GLRA2: variants seen among roughly 807,000 people sequenced by gnomAD.
The protein encoded by GLRA2 is glycine receptor alpha 2, also known as glycine receptor subunit alpha-2.
In GLRA2, 11 loss-of-function variants were observed where a neutral mutation model predicts 31.6. That is an observed-to-expected ratio of 0.35 (90% CI 0.22 to 0.58). GLRA2 has a LOEUF of 0.58. Among genes scored for constraint, GLRA2 ranks in the 20% least tolerant of loss-of-function variants. The pLI, the probability that GLRA2 is intolerant of heterozygous loss-of-function variation, is 0.84. For synonymous variants in GLRA2, 132 were observed against 134.0 expected, an observed-to-expected ratio of 0.99 and a Z score of 0.10; for missense variants, 212 against 351.8, an observed-to-expected ratio of 0.60 and a Z score of 3.18.
At chrX:14,614,745 T>C (rs1267828799) in intron 7 of GLRA2, among the ~76,000 whole-genome samples, 2 of 111,923 alleles carry the variant, frequency 1.8e-5, no homozygotes, top group Non-Finnish European at 3.8e-5. Context: ...TTAAGAACTC[T>C]GATCCAGGGG....
At chrX:14,623,011 C>G (rs1442906701) in intron 7 of GLRA2, among the ~76,000 whole-genome samples, 1 of 111,458 alleles carries the variant, frequency 9.0e-6, no homozygotes, top group Non-Finnish European at 1.9e-5. Flanking sequence ...TGTTTGTGTC[C>G]TCTTTTATTT....
At chrX:14,588,283 G>A (rs6526752) in intron 4 of GLRA2, among the ~76,000 whole-genome samples, 104 of 110,642 alleles carry the variant, frequency 9.4e-4, no homozygotes, top group Middle Eastern at 4.7e-3. Context: ...TATAGTAAAA[G>A]GTGGTAGTCC....
chrX:14,603,081 ATTT>A (rs58676051), intron 4 of GLRA2, among the ~76,000 whole-genome samples: 1 of 96,281 alleles, frequency 1.0e-5, no homozygotes. Context: ...GCCAACATCT[ATTT>A]TTTTTTTTTT....
chrX:14,665,900 T>C (rs571320567), intron 7 of GLRA2, among the ~76,000 whole-genome samples: 1 of 112,323 alleles, frequency 8.9e-6, no homozygotes, highest in Middle Eastern at 4.6e-3. Flanking sequence ...GGACCAAGAA[T>C]CTAGCTCCAG....
At chrX:14,688,817 C>G (rs1174531170) in intron 7 of GLRA2, among the ~76,000 whole-genome samples, 1 of 111,037 alleles carries the variant, frequency 9.0e-6, no homozygotes, top group Non-Finnish European at 1.9e-5. Context: ...CCTGCCCCCA[C>G]TGTCTGATAA....
At chrX:14,587,572 C>T (rs2090093932) in intron 4 of GLRA2, among the ~76,000 whole-genome samples, 1 of 111,959 alleles carries the variant, frequency 8.9e-6, no homozygotes, top group Non-Finnish European at 1.9e-5. Flanking sequence ...TGTTTGTTGA[C>T]CATGTGTATG....
chrX:14,564,871 A>G (rs1412697833), intron 2 of GLRA2, among the ~76,000 whole-genome samples: 1 of 111,597 alleles, frequency 9.0e-6, no homozygotes, highest in Non-Finnish European at 1.9e-5. Context: ...TGTAATTCCC[A>G]TGGTAATCAC....
At chrX:14,466,070 C>T in the GLRA2 span, among the ~76,000 whole-genome samples, 9 of 111,770 alleles carry the variant, frequency 8.1e-5, no homozygotes, top group South Asian at 3.0e-3. Flanking sequence ...TGCTAGACAA[C>T]CTACACCTAA....
chrX:14,468,554 G>A, the GLRA2 span, among the ~76,000 whole-genome samples: 20 of 112,110 alleles, frequency 1.8e-4, no homozygotes, highest in South Asian at 7.5e-3. Flanking sequence ...AAATGTAGAC[G>A]ATTTTGAAAG....
At chrX:14,542,562 C>A (rs887991451) in intron 2 of GLRA2, among the ~76,000 whole-genome samples, 13 of 109,719 alleles carry the variant, frequency 1.2e-4, no homozygotes, top group African/African-American at 4.0e-4. Context: ...CATCTGTGAA[C>A]TGGATGAGTT....
chrX:14,633,387 T>C (rs2090673704), intron 7 of GLRA2, among the ~76,000 whole-genome samples: 1 of 111,272 alleles, frequency 9.0e-6, no homozygotes, highest in South Asian at 3.8e-4. Flanking sequence ...CTCAGCTACT[T>C]GAAAGGCTGA....
intron 2 of GLRA2, among the ~76,000 whole-genome samples, chrX:14,550,803 C>T (rs1417209393): frequency 6.3e-5 from 7 of 111,926 alleles, no homozygotes; most frequent in Admixed American, 5.7e-4. Context: ...AAGATCAAGC[C>T]AGAAGGTATT....
chrX:14,679,868 G>A (rs2147166402), intron 7 of GLRA2, among the ~76,000 whole-genome samples: 1 of 112,044 alleles, frequency 8.9e-6, no homozygotes, highest in African/African-American at 3.2e-5. Context: ...TCATGTGACT[G>A]TTTCCCTCAG....
At chrX:14,616,578 C>T (rs1005130567) in intron 7 of GLRA2, among the ~76,000 whole-genome samples, 1 of 111,546 alleles carries the variant, frequency 9.0e-6, no homozygotes, top group Non-Finnish European at 1.9e-5. Context: ...TTGCTTTATT[C>T]CCCCTACCAG....
chrX:14,711,862 T>A (rs1459380353), intron 8 of GLRA2, among the ~76,000 whole-genome samples: 1 of 112,268 alleles, frequency 8.9e-6, no homozygotes, highest in Non-Finnish European at 1.9e-5. Flanking sequence ...CTTGGAAACT[T>A]ATGAGATTAT....
intron 7 of GLRA2, among the ~76,000 whole-genome samples, chrX:14,611,830 G>C (rs2090400952): frequency 8.9e-6 from 1 of 111,877 alleles, no homozygotes; most frequent in Non-Finnish European, 1.9e-5. Context: ...GATCAGCCAT[G>C]TTCTCCCATG....
chrX:14,466,106 T>G, the GLRA2 span, among the ~76,000 whole-genome samples: 102 of 112,010 alleles, frequency 9.1e-4, no homozygotes, highest in Admixed American at 2.1e-3. Flanking sequence ...GGCTTTCCTT[T>G]TGATTTATGG....
chrX:14,548,872 C>T (rs1321332134), intron 2 of GLRA2, among the ~76,000 whole-genome samples: 3 of 111,744 alleles, frequency 2.7e-5, no homozygotes, highest in African/African-American at 6.5e-5. Context: ...ACCAGTGAGT[C>T]TGTGGTTGGG....
At chrX:14,692,243 G>T (rs1201694602) in intron 8 of GLRA2, among the ~76,000 whole-genome samples, 1 of 112,270 alleles carries the variant, frequency 8.9e-6, no homozygotes, top group South Asian at 3.7e-4. Flanking sequence ...CCTCTTTGCT[G>T]TACATTACCT....
Sources: gnomAD v4.1 joint callset for allele counts (sites outside exome capture counted in the v4.1 genomes callset) on GRCh38, gnomAD v4.1.1 for gene constraint, MANE v1.5 for transcripts, NCBI Gene and HGNC (gene_info 2026-07-23, HGNC 2026-07-21) for gene names.